Variants in FBXW8 observed in about 807,000 individuals in gnomAD.
FBXW8 encodes the protein F-box and WD repeat domain containing 8.
A neutral mutation model predicts 65.3 loss-of-function variants in FBXW8; 57 were observed. The observed-to-expected ratio is 0.87, with a 90% CI of 0.71 to 1.09. FBXW8 has a LOEUF of 1.09. FBXW8 is among the 50% of genes least tolerant of loss of function. FBXW8 has a pLI of 0.00. For synonymous variants in FBXW8, 308 were observed against 330.2 expected (o/e 0.93, Z 0.73); for missense variants, 777 against 814.8 (o/e 0.95, Z 0.57).
chr12:116,957,640 C>T (rs1592888475), intron 4 of FBXW8, among the ~76,000 whole-genome samples: 2 of 152,232 alleles, frequency 1.3e-5, no homozygotes, highest in South Asian at 2.1e-4. Context: ...TTACTAAGGA[C>T]ATGCGTTCCA....
At position 117,013,411 on chromosome 12, in the gene FBXW8, A is replaced by G. The variant is rs140232531; in HGVS notation, c.1367+2961A>G. ...TGAGATTTTGCATAGGAGTTTTATC[A>G]GTGTAGATCAATGAGTTTTTCTGAA... On this transcript the variant is annotated intron_variant, in intron 8 of 10. Coordinates refer to ENST00000652555, the MANE Select transcript of FBXW8 (RefSeq NM_153348.3). Among the ~76,000 whole-genome samples, 605 of 152,244 alleles carry G rather than the reference A, an allele frequency of 4.0e-3. 3 individuals are homozygous for G. Among genetic ancestry groups the G allele is most frequent in the Non-Finnish European group, 6.8e-3 (463 of 68,004 alleles).
chr12:116,918,348 TCAGGACTCTGGGCTGCAGGCAA>T (rs1319816755), intron 1 of FBXW8, among the ~76,000 whole-genome samples: 1 of 152,162 alleles, frequency 6.6e-6, no homozygotes, highest in African/African-American at 2.4e-5. Context: ...AGGTGGTGTA[TCAGGACTCTGGGCTGCAGGCAA>T]CAAGCACCCA....
chr12:116,954,498 A>G (rs565348744), intron 4 of FBXW8, among the ~76,000 whole-genome samples: 5 of 152,296 alleles, frequency 3.3e-5, no homozygotes, highest in African/African-American at 1.2e-4. Flanking sequence ...TGAATATTTT[A>G]TGTATAGATG....
At chr12:116,927,733 A>G (rs923057625) in intron 1 of FBXW8, among the ~76,000 whole-genome samples, 2 of 152,206 alleles carry the variant, frequency 1.3e-5, no homozygotes, top group African/African-American at 4.8e-5. Flanking sequence ...AGGCTGGAAG[A>G]TAGCACCCCT....
intron 7 of FBXW8, among the ~76,000 whole-genome samples, chr12:116,998,876 A>G (rs1953442992): frequency 6.6e-6 from 1 of 152,232 alleles, no homozygotes; most frequent in South Asian, 2.1e-4. Flanking sequence ...CTGAATATTT[A>G]AAACATTTTA....
chr12:116,977,326 GA>G (rs1352537449), intron 5 of FBXW8: 4 of 152,016 alleles, frequency 2.6e-5, no homozygotes, highest in Non-Finnish European at 5.9e-5. Flanking sequence ...GTCATCACTA[GA>G]ATTTTCACCG....
At chr12:116,969,274 C>G (rs1257211866) in intron 5 of FBXW8, among the ~76,000 whole-genome samples, 2 of 152,010 alleles carry the variant, frequency 1.3e-5, no homozygotes, top group African/African-American at 4.8e-5. Flanking sequence ...TTTTTAGAGC[C>G]CTTGTGTTTC....
In FBXW8 at chr12:116,911,006, G is replaced by C; in HGVS notation, c.-32G>C. On this transcript the variant is annotated 5_prime_UTR_variant, in exon 1 of 11. Coordinates refer to ENST00000652555, the MANE Select transcript of FBXW8 (RefSeq NM_153348.3). ...CTGTCTCGTGGCACCCGGTGGAACCGAGGAGAACGTGGAGCGCCGGGAGCG... is the reference window on the plus strand; with the variant it reads ...CTGTCTCGTGGCACCCGGTGGAACCCAGGAGAACGTGGAGCGCCGGGAGCG... 6 of 1,375,608 alleles carry C rather than the reference G, an allele frequency of 4.4e-6. No individual in the cohort carries two copies. The South Asian group carries it at 5.1e-5, about 12-fold the overall frequency. 85.2% of individuals were successfully genotyped at this position (1,375,608 alleles called of 1,614,324 possible).
chr12:116,985,610 C>G lies in FBXW8; in HGVS notation c.1032+208C>G, dbSNP rs1305193466. 3 of 523,708 alleles carry G rather than the reference C, an allele frequency of 5.7e-6. No individual in the cohort carries two copies. In the Admixed American group the frequency reaches 1.1e-4, roughly 19 times the overall value. The allele number at this position is 523,708 out of a possible 1,614,324, so 32.4% of individuals were successfully genotyped here. ...ACTTCAGGCTGCTTAGAGCAGTGAACTGACTTGCCCCAGTTCTCAGAGGTA... is the reference window on the plus strand; with the variant it reads ...ACTTCAGGCTGCTTAGAGCAGTGAAGTGACTTGCCCCAGTTCTCAGAGGTA... On this transcript the variant is annotated intron_variant, in intron 6 of 10. Transcript: ENST00000652555.
intron 6 of FBXW8, 103 bp from the exon 7 acceptor site, chr12:116,988,560 C>T: frequency 1.0e-6 from 1 of 973,626 alleles, no homozygotes; most frequent in Non-Finnish European, 1.6e-6. Context: ...CCATCTTTTT[C>T]TGTTGGGTTG....
At chr12:116,994,943 G>T (rs117544759) in intron 7 of FBXW8, among the ~76,000 whole-genome samples, 1 of 152,202 alleles carries the variant, frequency 6.6e-6, no homozygotes, top group South Asian at 2.1e-4. Context: ...CACAGAAGTT[G>T]TACCTTGGGC....
At chr12:116,937,265 G>A (rs1882232290) in intron 2 of FBXW8, among the ~76,000 whole-genome samples, 1 of 152,190 alleles carries the variant, frequency 6.6e-6, no homozygotes, top group Admixed American at 6.5e-5. Flanking sequence ...TCTTCGTTGA[G>A]CTCTGGGCTG....
chr12:117,025,927 A>C (rs551237404), intron 9 of FBXW8, among the ~76,000 whole-genome samples: 3 of 152,206 alleles, frequency 2.0e-5, no homozygotes, highest in Admixed American at 6.5e-5. Context: ...CCTTCCCCAG[A>C]GGTGTGGCCC....
intron 2 of FBXW8, among the ~76,000 whole-genome samples, chr12:116,928,484 C>T (rs191993150): frequency 5.9e-5 from 9 of 152,260 alleles, no homozygotes; most frequent in South Asian, 2.1e-4. Flanking sequence ...TTGGTTAAAT[C>T]GAGCCTGTTA....
intron 2 of FBXW8, among the ~76,000 whole-genome samples, chr12:116,933,086 T>C (rs747476608): frequency 1.3e-5 from 2 of 152,182 alleles, no homozygotes; most frequent in Non-Finnish European, 2.9e-5. Context: ...CATGAGTACC[T>C]ATATTGTTTT....
Position 116,911,237 on chromosome 12 carries a change from C to G in FBXW8, c.200C>G (p.Pro67Arg). 8.1e-7 allele frequency: 1 copy of G among 1,239,484 alleles called. No homozygotes were observed. Among genetic ancestry groups the G allele is most frequent in the Non-Finnish European group, 1.0e-6 (1 of 993,914 alleles). The allele number at this position is 1,239,484 out of a possible 1,614,324, so 76.8% of individuals were successfully genotyped here. The stretch of plus-strand genomic sequence containing the variant: ...CTCCTGGAGGGCGCGGGGAGGCCCC[C>G]GGCGGCGCGGGCGACTCGGGCCGAG... ...QRLLEGAGRP[P>R]AARATRAEGQ... Residue 67 changes from proline to arginine, a missense_variant, in exon 1 of 11, where the codon CCG becomes CGG. Coordinates refer to ENST00000652555, the MANE Select transcript of FBXW8 (RefSeq NM_153348.3).
intron 8 of FBXW8, among the ~76,000 whole-genome samples, chr12:117,019,105 CAGAG>C (rs767371028): frequency 5.9e-5 from 9 of 152,318 alleles, no homozygotes; most frequent in Non-Finnish European, 1.2e-4. Flanking sequence ...GTAAACGTGA[CAGAG>C]AGAGACCTTT....
intron 9 of FBXW8, among the ~76,000 whole-genome samples, chr12:117,026,423 G>T (rs995872002): frequency 6.6e-6 from 1 of 151,730 alleles, no homozygotes; most frequent in African/African-American, 2.4e-5. Context: ...CTCCCTTCCC[G>T]GGTCTTTCTC....
chr12:117,023,821 C>T (rs1954157892), intron 8 of FBXW8, among the ~76,000 whole-genome samples: 1 of 152,270 alleles, frequency 6.6e-6, no homozygotes, highest in Non-Finnish European at 1.5e-5. Context: ...CTGGGCAGTA[C>T]ACCTACTGCT....
Sources: allele counts gnomAD v4.1 joint callset (sites outside exome capture counted in the v4.1 genomes callset), GRCh38; gene constraint gnomAD v4.1.1; transcripts MANE v1.5; gene names NCBI Gene and HGNC (gene_info 2026-07-23, HGNC 2026-07-21).